FN1: variants seen among roughly 807,000 people sequenced by gnomAD.
The protein encoded by FN1 is fibronectin 1.
Under a neutral mutation model 297.3 loss-of-function variants are expected in FN1, and 106 were observed. That is an observed-to-expected ratio of 0.36 (90% confidence interval 0.30 to 0.42). The LOEUF (loss-of-function observed/expected upper bound fraction) is 0.42. Ranked by LOEUF, FN1 falls within the 10% of genes least tolerant of loss-of-function variation. The pLI is 1.00. For synonymous variants in FN1, 1,149 were observed against 1,152.6 expected, an observed-to-expected ratio of 1.00 and a Z score of 0.06; for missense variants, 2,690 against 3,124.9, an observed-to-expected ratio of 0.86 and a Z score of 3.32.
chr2:215,424,623 T>A (rs1559573033), intron 7 of FN1, among the ~76,000 whole-genome samples: 1 of 152,164 alleles, frequency 6.6e-6, no homozygotes, highest in Non-Finnish European at 1.5e-5. Flanking sequence ...GGATGCTGCT[T>A]AAGGATGTTG....
At chr2:215,409,498 AC>A in intron 15 of FN1, 64 bp downstream of exon 15, 2 of 1,512,584 alleles carry the variant, frequency 1.3e-6, no homozygotes, top group Non-Finnish European at 1.8e-6. Context: ...GAGGCCACCC[AC>A]CCCCACAAGG....
rs569698974 is a variant in FN1 at position 215,399,368 on chromosome 2, A to G, written c.3254-17T>C. The G allele has an allele frequency of 1.9e-5, 29 of 1,553,192 alleles. No homozygotes were observed. Among genetic ancestry groups the G allele is most frequent in the East Asian group, 1.3e-4 (6 of 44,606 alleles). On this transcript the variant is annotated splice_polypyrimidine_tract_variant and intron_variant, in intron 20 of 45. Coordinates refer to ENST00000354785, the MANE Select transcript of FN1 (RefSeq NM_212482.4). ...CAGGCTGCACTGTGAGAGAGAATCA[A>G]TGCACATATTCAAAACTCAAACTCA... is the stretch of plus-strand genomic sequence containing the variant.
rs76749241 is a variant in FN1 at position 215,372,283 on chromosome 2, C to T, written c.6340G>A (p.Val2114Ile). ...VPSTVQKTPF[V>I]THPGYDTGNG... ...CCAGTGTCATACCCAGGGTGGGTGA[C>T]GAAAGGGGTCTTTTGAACTGTGGAA... Residue 2114 changes from valine (V) to isoleucine (I), a missense_variant, in exon 40 of 46, where the codon GTC becomes ATC. Physicochemically the swap from Val to Ile is conservative, Grantham distance 29. Transcript: ENST00000354785. 5.2e-5 allele frequency: 84 copies of T among 1,614,092 alleles called. No homozygotes were observed. The East Asian group carries it at 1.4e-3, about 27-fold the overall frequency.
intron 41 of FN1, among the ~76,000 whole-genome samples, chr2:215,369,215 TA>T (rs58108373): frequency 0.12 from 15,936 of 137,954 alleles, 1,155 homozygotes; most frequent in African/African-American, 0.23. Context: ...ATGGAATCTT[TA>T]AAAAAAAAAA....
At chr2:215,426,241 C>A (rs569852930) in intron 6 of FN1, among the ~76,000 whole-genome samples, 2 of 147,210 alleles carry the variant, frequency 1.4e-5, no homozygotes, top group Non-Finnish European at 3.0e-5. Flanking sequence ...CTCTGCCTCC[C>A]GGGTTCACGC....
chr2:215,388,364 C>A, intron 26 of FN1, 63 bp from the exon 27 acceptor site: 2 of 1,154,478 alleles, frequency 1.7e-6, no homozygotes, highest in Non-Finnish European at 2.6e-6. Flanking sequence ...CTAAAGCACG[C>A]CCAGGACTAT....
rs766934705 is a variant in FN1 at position 215,425,158 on chromosome 2, C to A, written c.972G>T (p.Lys324Asn). Residue 324 changes from lysine (K) to asparagine (N), a missense_variant, in exon 7 of 46, where the codon AAG becomes AAT. By Grantham distance (94) the Lys-to-Asn change is moderately conservative. Coordinates refer to ENST00000354785, the MANE Select transcript of FN1 (RefSeq NM_212482.4). ...AAAGCATTTGCTTATTTCCTTGTGT[C>A]TTCAGCCACTGCATCCCCACAGAGT... ...VVYSVGMQWL[K>N]TQGNKQMLCT... is the part of the protein sequence containing the mutation. 5 of 1,614,088 alleles carry A rather than the reference C, an allele frequency of 3.1e-6. No homozygotes were observed. The highest frequency in any genetic ancestry group is 1.6e-4 in the Middle Eastern group (1 of 6,084).
At chr2:215,397,107 T>C (rs1363501691) in intron 23 of FN1, 30 bp downstream of exon 23, 1 of 1,377,800 alleles carries the variant, frequency 7.3e-7, no homozygotes, top group Non-Finnish European at 1.0e-6. Context: ...GTATGGTGTA[T>C]ACTTGCCCTC....
chr2:215,383,737 A>C lies in FN1; in HGVS notation c.4895-254T>G, dbSNP rs13432972. ...AGCAGGTGTCTCTTCCTACTTTATCAACTCATCCATTCTTTTCCCACAAAT... is the reference window on the plus strand; with the variant it reads ...AGCAGGTGTCTCTTCCTACTTTATCCACTCATCCATTCTTTTCCCACAAAT... On this transcript the variant is annotated intron_variant, in intron 30 of 45. Coordinates refer to ENST00000354785, the MANE Select transcript of FN1 (RefSeq NM_212482.4). 0.2 allele frequency among the ~76,000 whole-genome samples: 30,899 copies of C among 152,128 alleles called. 3,375 individuals carry two copies. Among genetic ancestry groups the C allele is most frequent in the Non-Finnish European group, 0.24 (16,476 of 67,994 alleles).
intron 42 of FN1, chr2:215,367,562 CAA>C: frequency 2.5e-6 from 1 of 404,602 alleles, no homozygotes; most frequent in South Asian, 2.2e-5. Context: ...GACCTGGTTC[CAA>C]AAGTCTTTAT....
At position 215,399,118 on chromosome 2, in the gene FN1, A is replaced by C. The variant is rs917795810; in HGVS notation, c.3348+139T>G. On this transcript the variant is annotated intron_variant, in intron 21 of 45. Transcript: ENST00000354785. The stretch of plus-strand genomic sequence containing the variant: ...AGGGAAGGACTGTTAGGCCCTGACA[A>C]TGTAGTCAAAGATGTATGGACAGAA... 15 of 715,894 alleles carry C rather than the reference A, an allele frequency of 2.1e-5. No homozygotes were observed. In the Admixed American group the frequency reaches 2.9e-4, roughly 14 times the overall value. The allele number at this position is 715,894 out of a possible 1,614,324, so 44.3% of individuals were successfully genotyped here.
intron 9 of FN1, among the ~76,000 whole-genome samples, chr2:215,422,942 C>G (rs1301952943): frequency 6.6e-6 from 1 of 152,132 alleles, no homozygotes; most frequent in Non-Finnish European, 1.5e-5. Context: ...TTATGCCCAT[C>G]AAACCACAAC....
chr2:215,415,536 T>C (rs936110693), intron 12 of FN1, among the ~76,000 whole-genome samples: 2 of 152,212 alleles, frequency 1.3e-5, no homozygotes, highest in Non-Finnish European at 2.9e-5. Flanking sequence ...CTAAGCAGTC[T>C]ATCAGTTTGG....
intron 20 of FN1, among the ~76,000 whole-genome samples, chr2:215,403,535 C>G (rs2061398984): frequency 6.6e-6 from 1 of 152,060 alleles, no homozygotes; most frequent in South Asian, 2.1e-4. Flanking sequence ...TTCTATAATT[C>G]AAAATGTCGA....
chr2:215,388,440 C>T (rs145605201), intron 26 of FN1, 139 bp from the exon 27 acceptor site: 54 of 714,436 alleles, frequency 7.6e-5, no homozygotes, highest in Non-Finnish European at 1.3e-4. Context: ...AACACTACAG[C>T]GAAGTGTTCA....
At chr2:215,426,907 G>A (rs904722371) in intron 6 of FN1, among the ~76,000 whole-genome samples, 2 of 151,064 alleles carry the variant, frequency 1.3e-5, no homozygotes, top group African/African-American at 2.4e-5. Flanking sequence ...ATGGGGTCTC[G>A]CTGTATCACC....
chr2:215,397,222 T>C lies in FN1; in HGVS notation c.3519A>G (p.Pro1173=). 1.2e-6 allele frequency: 2 copies of C among 1,609,308 alleles called. No individual in the cohort carries two copies. Among genetic ancestry groups the C allele is most frequent in the African/African-American group, 2.7e-5 (2 of 74,928 alleles). The stretch of plus-strand genomic sequence containing the variant: ...GATGCAAGTTTGTTGGTGGAGACAA[T>C]GCTATGCAGAAAGAACATTTTAAAA... ...DAPIVNKVVT[P]LSPPTNLHLE... Residue 1173 remains proline, a splice_region_variant and synonymous_variant, in exon 23 of 46, where the codon CCA becomes CCG. Coordinates refer to ENST00000354785, the MANE Select transcript of FN1 (RefSeq NM_212482.4).
intron 21 of FN1, among the ~76,000 whole-genome samples, 153 bp from the exon 22 acceptor site, chr2:215,398,001 T>C (rs576764117): frequency 1.3e-5 from 2 of 152,376 alleles, no homozygotes; most frequent in East Asian, 3.9e-4. Flanking sequence ...CTCTTTTATA[T>C]ACTTTAGCTG....
chr2:215,399,547 G>A (rs2372544), intron 20 of FN1, among the ~76,000 whole-genome samples, 196 bp from the exon 21 acceptor site: 1 of 151,870 alleles, frequency 6.6e-6, no homozygotes, highest in African/African-American at 2.4e-5. Flanking sequence ...CACATCATCT[G>A]GGGTCTGGCT....
Sources: gnomAD v4.1 joint callset for allele counts (sites outside exome capture counted in the v4.1 genomes callset) on GRCh38, gnomAD v4.1.1 for gene constraint, MANE v1.5 for transcripts, NCBI Gene and HGNC (gene_info 2026-07-23, HGNC 2026-07-21) for gene names.